Variants in OPHN1 observed in about 807,000 individuals in gnomAD.
The protein encoded by OPHN1 is oligophrenin-1.
A neutral mutation model predicts 60.7 loss-of-function variants in OPHN1; 11 were observed. That is an observed-to-expected ratio of 0.18 (90% confidence interval 0.11 to 0.30). OPHN1 has a LOEUF of 0.30. Among genes scored for constraint, OPHN1 ranks in the 10% least tolerant of loss-of-function variants. The pLI is 1.00. For missense variants in OPHN1, 449 were observed against 611.0 expected (o/e 0.73, Z 2.80); for synonymous variants, 226 against 222.6 (o/e 1.02, Z -0.14).
chrX:68,057,925 A>G (rs2076879189), intron 21 of OPHN1, among the ~76,000 whole-genome samples: 1 of 111,605 alleles, frequency 9.0e-6, no homozygotes, highest in Non-Finnish European at 1.9e-5. Context: ...GTTTTTCCAG[A>G]TGAATGAGCC....
chrX:68,290,198 G>T (rs1465088466), intron 3 of OPHN1, among the ~76,000 whole-genome samples: 3 of 111,571 alleles, frequency 2.7e-5, no homozygotes, highest in African/African-American at 9.8e-5. Flanking sequence ...GGTGGCTCAT[G>T]CCTATAATCC....
rs1174852478 is a variant in OPHN1, at chrX:68,047,061, G to A, written c.*111C>T. The stretch of plus-strand genomic sequence containing the variant: ...GAGTCTGAAAGTGCAAGGCTAGGAA[G>A]GAGCTGCTCTTCAACACAAAATGAC... On this transcript the variant is annotated 3_prime_UTR_variant, in exon 25 of 25. Transcript: ENST00000355520. The A allele has an allele frequency of 1.8e-5, 2 of 111,926 alleles. No homozygotes were observed. The highest frequency in any genetic ancestry group is 3.8e-5 in the Non-Finnish European group (2 of 53,193). The allele number at this position is 111,926 out of a possible 1,213,427, so 9.2% of individuals were successfully genotyped here. A position where few individuals can be genotyped will look rare whatever the true frequency, so the allele number is the denominator to read the frequency against.
intron 15 of OPHN1, chrX:68,192,637 C>A: frequency 3.1e-6 from 1 of 327,655 alleles, no homozygotes; most frequent in South Asian, 5.2e-5. Flanking sequence ...AAGAAGATAC[C>A]GACTAAGCCT....
At chrX:68,089,501 C>T (rs1475720066) in intron 19 of OPHN1, among the ~76,000 whole-genome samples, 1 of 111,484 alleles carries the variant, frequency 9.0e-6, no homozygotes, top group Non-Finnish European at 1.9e-5. Context: ...TGTGAGAAAT[C>T]GAGGAGATGC....
intron 15 of OPHN1, among the ~76,000 whole-genome samples, chrX:68,153,210 CAAAAAAA>C (rs11292214): frequency 2.0e-4 from 11 of 55,430 alleles, no homozygotes; most frequent in Middle Eastern, 0.015. Context: ...GACTCCATGT[CAAAAAAA>C]AAAAAAAAAG....
chrX:68,053,780 G>T lies in OPHN1; in HGVS notation c.2189C>A (p.Pro730His). The T allele has an allele frequency of 8.3e-7, 1 of 1,210,348 alleles. No individual in the cohort carries two copies. Among genetic ancestry groups the T allele is most frequent in the Non-Finnish European group, 1.1e-6 (1 of 895,190 alleles). The change falls in exon 22 of 25, where the codon CCT becomes CAT. Residue 730 changes from proline to histidine, a missense_variant. By Grantham distance (77) the Pro-to-His change is moderately conservative. This residue lies in a region of OPHN1 where 184 missense variants were observed against 160.5 expected (regional missense o/e 1.15). Coordinates refer to ENST00000355520, the MANE Select transcript of OPHN1 (RefSeq NM_002547.3). ...GDADSFSKVRPPGEKPTIIRP... is the reference protein window; with the variant it reads ...GDADSFSKVRHPGEKPTIIRP... ...GATGATGGTTGGCTTTTCTCCTGGA[G>T]GCCGCACTTTGCTGAAACTGTCAGC...
At chrX:68,398,808 G>T (rs1009239223) in intron 2 of OPHN1, among the ~76,000 whole-genome samples, 4 of 110,405 alleles carry the variant, frequency 3.6e-5, no homozygotes, top group African/African-American at 1.3e-4. Flanking sequence ...AATTAGCCAG[G>T]CGTAGTGGTG....
At chrX:68,316,307 G>A (rs921128515) in intron 2 of OPHN1, among the ~76,000 whole-genome samples, 5 of 111,687 alleles carry the variant, frequency 4.5e-5, no homozygotes, top group Non-Finnish European at 9.4e-5. Flanking sequence ...AACACCATCG[G>A]TCTACAGGAT....
At chrX:68,162,698 CAG>C in intron 15 of OPHN1, among the ~76,000 whole-genome samples, 1 of 110,765 alleles carries the variant, frequency 9.0e-6, no homozygotes, top group Middle Eastern at 4.7e-3. Context: ...TATATGGAAA[CAG>C]TGGCATTTGA....
chrX:68,328,295 A>AT (rs1305282438), intron 2 of OPHN1, among the ~76,000 whole-genome samples: 4 of 107,069 alleles, frequency 3.7e-5, no homozygotes, highest in South Asian at 4.1e-4. Flanking sequence ...CGCCCGGCTA[A>AT]TTTTTTGTAT....
At chrX:68,296,661 A>G (rs1447322439) in intron 3 of OPHN1, among the ~76,000 whole-genome samples, 1 of 107,405 alleles carries the variant, frequency 9.3e-6, no homozygotes, top group Non-Finnish European at 1.9e-5. Flanking sequence ...AAAAAAAAAA[A>G]AAAAAAAAGA....
At chrX:68,140,761 A>T (rs2077239151) in intron 15 of OPHN1, among the ~76,000 whole-genome samples, 1 of 109,871 alleles carries the variant, frequency 9.1e-6, no homozygotes. Context: ...ATCAGCTGGC[A>T]GGGAAAAAAA....
chrX:68,175,457 G>GA (rs775718874), intron 15 of OPHN1, among the ~76,000 whole-genome samples: 86 of 108,271 alleles, frequency 7.9e-4, no homozygotes, highest in East Asian at 3.5e-3. Context: ...TTCGAAAAAG[G>GA]AAAAAAAAAT....
chrX:68,137,646 C>T (rs1356032609), intron 15 of OPHN1, among the ~76,000 whole-genome samples: 1 of 111,395 alleles, frequency 9.0e-6, no homozygotes, highest in Non-Finnish European at 1.9e-5. Context: ...TATTGTTTGG[C>T]TAGTTGGGCA....
chrX:68,184,374 T>G (rs1364125335), intron 15 of OPHN1, among the ~76,000 whole-genome samples: 1 of 108,196 alleles, frequency 9.2e-6, no homozygotes, highest in Non-Finnish European at 1.9e-5. Flanking sequence ...ATACAAAAAT[T>G]AGCCAGGTGT....
intron 2 of OPHN1, among the ~76,000 whole-genome samples, chrX:68,384,930 G>A: frequency 9.0e-6 from 1 of 110,928 alleles, no homozygotes; most frequent in East Asian, 2.8e-4. Context: ...GAGGGTGACA[G>A]ATAAAAGACT....
At position 68,136,985 on chromosome X, in the gene OPHN1, A is replaced by G. The variant is rs185645450; in HGVS notation, c.1277-17653T>C. On this transcript the variant is annotated intron_variant, in intron 15 of 24. Coordinates refer to ENST00000355520, the MANE Select transcript of OPHN1 (RefSeq NM_002547.3). ...ACAATATGAGGCAGGATGGGCCAAG[A>G]TGTTACAGTGACTTCTGCATTTGCC... is the stretch of plus-strand genomic sequence containing the variant. Among the ~76,000 whole-genome samples, 16 of 112,208 alleles carry G rather than the reference A, an allele frequency of 1.4e-4. No individual in the cohort carries two copies. The East Asian group carries it at 4.5e-3, about 31-fold the overall frequency.
chrX:68,181,655 T>G lies in OPHN1; in HGVS notation c.1276+11264A>C, dbSNP rs931131467. On this transcript the variant is annotated intron_variant, in intron 15 of 24. Transcript: ENST00000355520. The stretch of plus-strand genomic sequence containing the variant: ...GCCCGGCCAACATGGTGAAACACTG[T>G]CTCTACTAAAAATTTAAAAAAAATT... Among the ~76,000 whole-genome samples the G allele has an allele frequency of 6.3e-5, 7 of 110,298 alleles. No homozygotes were observed. The Admixed American group carries it at 6.8e-4, about 11-fold the overall frequency.
intron 5 of OPHN1, among the ~76,000 whole-genome samples, chrX:68,250,497 C>G (rs2077828176): frequency 9.0e-6 from 1 of 111,160 alleles, no homozygotes; most frequent in South Asian, 3.9e-4. Flanking sequence ...GTTCTGATGC[C>G]TATGTGCCAC....
Sources: allele counts gnomAD v4.1 joint callset (sites outside exome capture counted in the v4.1 genomes callset), GRCh38; gene constraint gnomAD v4.1.1; regional missense constraint gnomAD v4.1.1; transcripts MANE v1.5; gene names NCBI Gene and HGNC (gene_info 2026-07-23, HGNC 2026-07-21).